The following LRBA variants were observed in gnomAD, a reference collection of about 807,000 sequenced individuals.
The protein encoded by LRBA is lipopolysaccharide-responsive and beige-like anchor protein.
LRBA carries 176 observed loss-of-function variants against 330.0 expected under a neutral mutation model. The observed-to-expected ratio is 0.53, with a 90% confidence interval of 0.47 to 0.60. LRBA has a LOEUF of 0.60. LRBA is among the 20% of genes least tolerant of loss of function. The pLI is 0.00. For missense variants in LRBA, 3,259 were observed against 3,444.8 expected (o/e 0.95, Z 1.35); for synonymous variants, 1,230 against 1,193.0 (o/e 1.03, Z -0.64).
In LRBA at chr4:150,321,102, A is replaced by G; in HGVS notation, c.7630+89T>C. The G allele has an allele frequency of 4.1e-6, 5 of 1,208,562 alleles. No homozygotes were observed. In the South Asian group the frequency reaches 7.5e-5, roughly 18 times the overall value. 74.9% of individuals were successfully genotyped at this position (1,208,562 alleles called of 1,614,324 possible). A position where few individuals can be genotyped will look rare whatever the true frequency, so the allele number is the denominator to read the frequency against. Reference sequence around the variant, plus strand: ...TTCAGACTAATGCTTGAAAATTAAAAGCTTAAATGTTGAGATATGCTATAT... The same window carrying G: ...TTCAGACTAATGCTTGAAAATTAAAGGCTTAAATGTTGAGATATGCTATAT... On this transcript the variant is annotated intron_variant, in intron 50 of 56. Coordinates refer to ENST00000651943, the MANE Select transcript of LRBA (RefSeq NM_001364905.1). The surrounding 1 kb of genome is among the most constrained non-coding windows in gnomAD (Gnocchi z 4.5).
rs567891187 is a variant in LRBA at position 150,351,455 on chromosome 4, T to C, written c.7195-1296A>G. Among the ~76,000 whole-genome samples the C allele has an allele frequency of 2.6e-5, 4 of 152,176 alleles. No individual in the cohort carries two copies. The South Asian group carries it at 6.2e-4, about 24-fold the overall frequency. On this transcript the variant is annotated intron_variant, in intron 47 of 56. Coordinates refer to ENST00000651943, the MANE Select transcript of LRBA (RefSeq NM_001364905.1). ...CTGTAATCCCAGCACTTTGGGAGGCTGAGGTGGGCGGATCACGAGGTCAGG... is the reference window on the plus strand; with the variant it reads ...CTGTAATCCCAGCACTTTGGGAGGCCGAGGTGGGCGGATCACGAGGTCAGG...
intron 47 of LRBA, among the ~76,000 whole-genome samples, chr4:150,359,293 G>C (rs1738326765): frequency 6.6e-6 from 1 of 152,116 alleles, no homozygotes; most frequent in East Asian, 1.9e-4. Flanking sequence ...AGACTCTGGG[G>C]ATACTGAAAT....
Position 150,914,084 on chromosome 4 carries a change from C to G in LRBA, c.1161+111G>C, listed in dbSNP as rs1732301389. On this transcript the variant is annotated intron_variant, in intron 9 of 56. Coordinates refer to ENST00000651943, the MANE Select transcript of LRBA (RefSeq NM_001364905.1). ...CCTGCTGTGGTATCAAATAGTAGGTCTCATTTTTCTTTTTTTTTTTTGTAT... is the reference window on the plus strand; with the variant it reads ...CCTGCTGTGGTATCAAATAGTAGGTGTCATTTTTCTTTTTTTTTTTTGTAT... 25 of 781,656 alleles carry G rather than the reference C, an allele frequency of 3.2e-5. No individual in the cohort carries two copies. The East Asian group carries it at 6.4e-4, about 20-fold the overall frequency. The allele number at this position is 781,656 out of a possible 1,614,324, so 48.4% of individuals were successfully genotyped here.
intron 41 of LRBA, among the ~76,000 whole-genome samples, chr4:150,489,449 T>A (rs1758521317): frequency 2.6e-5 from 1 of 39,190 alleles, no homozygotes; most frequent in East Asian, 7.9e-4. Flanking sequence ...TATAATATAT[T>A]ATATATAAGA....
intron 37 of LRBA, among the ~76,000 whole-genome samples, chr4:150,617,639 T>C: frequency 6.6e-6 from 1 of 151,174 alleles, no homozygotes; most frequent in Non-Finnish European, 1.5e-5. Flanking sequence ...TGAGACTTCG[T>C]CTCAAAAAAA....
chr4:150,424,149 A>G (rs1749220436), intron 46 of LRBA, among the ~76,000 whole-genome samples: 1 of 152,214 alleles, frequency 6.6e-6, no homozygotes, highest in Non-Finnish European at 1.5e-5. Flanking sequence ...ACTAATAGTG[A>G]GGAGAGAGAT....
chr4:150,500,639 T>A (rs755365304), intron 40 of LRBA, among the ~76,000 whole-genome samples: 6 of 152,158 alleles, frequency 3.9e-5, no homozygotes, highest in Non-Finnish European at 8.8e-5. Context: ...AATCTTCAAG[T>A]TAGAGTAATA....
Position 150,518,393 on chromosome 4 carries a change from C to T in LRBA, c.6331-27358G>A, listed in dbSNP as rs150485410. 9.8e-4 allele frequency among the ~76,000 whole-genome samples: 149 copies of T among 152,254 alleles called. 1 individual carries two copies. In the East Asian group the frequency reaches 0.026, roughly 26 times the overall value. On this transcript the variant is annotated intron_variant, in intron 40 of 56. Coordinates refer to ENST00000651943, the MANE Select transcript of LRBA (RefSeq NM_001364905.1). ...GTTTATTTTGGGAATTTTTTATTTA[C>T]AATTTTCAGTCTACGATTCACCACT... is the stretch of plus-strand genomic sequence containing the variant.
At position 150,905,889 on chromosome 4, in the gene LRBA, C is replaced by T. The variant is rs763651221; in HGVS notation, c.1704G>A (p.Leu568=). 4 of 1,613,690 alleles carry T rather than the reference C, an allele frequency of 2.5e-6. No homozygotes were observed. The highest frequency in any genetic ancestry group is 3.3e-5 in the Admixed American group (2 of 59,988). Residue 568 remains leucine, a synonymous_variant, in exon 13 of 57, where the codon TTG becomes TTA. Transcript: ENST00000651943. Reference sequence around the variant, plus strand: ...CAGGATTAAGAAGAACGTGATCACACAATTGCTTGAGCAGGGGCATCCCAT... The same window carrying T: ...CAGGATTAAGAAGAACGTGATCACATAATTGCTTGAGCAGGGGCATCCCAT... ...LQNGMPLLKQ[L]CDHVLLNPAI... is the part of the protein sequence containing the mutation.
chr4:151,001,435 T>G (rs1743312809), intron 2 of LRBA, among the ~76,000 whole-genome samples: 1 of 152,050 alleles, frequency 6.6e-6, no homozygotes, highest in Non-Finnish European at 1.5e-5. Context: ...CAGCCCAGCT[T>G]AACCAGGTCC....
chr4:150,560,662 A>T (rs1768199865), intron 40 of LRBA, among the ~76,000 whole-genome samples: 1 of 152,206 alleles, frequency 6.6e-6, no homozygotes, highest in African/African-American at 2.4e-5. Flanking sequence ...ATATAGGTCC[A>T]TATTTATAAT....
At chr4:150,571,716 T>G (rs923152218) in intron 40 of LRBA, among the ~76,000 whole-genome samples, 1 of 147,526 alleles carries the variant, frequency 6.8e-6, no homozygotes, top group Non-Finnish European at 1.5e-5. Context: ...AGTGATTCAT[T>G]TGGCCAAGCA....
intron 28 of LRBA, among the ~76,000 whole-genome samples, chr4:150,835,966 A>G (rs567688257): frequency 6.6e-6 from 1 of 152,254 alleles, no homozygotes; most frequent in East Asian, 1.9e-4. Context: ...TTATTTTGAG[A>G]TACGTCCCAT....
At chr4:150,591,492 TC>T (rs1772824781) in intron 38 of LRBA, among the ~76,000 whole-genome samples, 1 of 152,100 alleles carries the variant, frequency 6.6e-6, no homozygotes, top group Admixed American at 6.5e-5. Context: ...ACACATACAC[TC>T]ACTCCTCCGC....
chr4:150,759,943 A>C (rs2126459648), intron 35 of LRBA, among the ~76,000 whole-genome samples: 1 of 152,338 alleles, frequency 6.6e-6, no homozygotes, highest in South Asian at 2.1e-4. Flanking sequence ...TGTAACAATA[A>C]CATACATAAA....
chr4:150,431,830 C>A lies in LRBA; in HGVS notation c.7041+3759G>T, dbSNP rs1446990560. Among the ~76,000 whole-genome samples the A allele has an allele frequency of 6.6e-5, 10 of 151,878 alleles. No individual in the cohort carries two copies. The South Asian group carries it at 1.0e-3, about 16-fold the overall frequency. On this transcript the variant is annotated intron_variant, in intron 46 of 56. Coordinates refer to ENST00000651943, the MANE Select transcript of LRBA (RefSeq NM_001364905.1). The stretch of plus-strand genomic sequence containing the variant: ...AAAAACCATCATTGAGAGGTCAGAT[C>A]TGAAATGGAATCACCAATGATGCAG...
chr4:150,623,514 C>G (rs915278454), intron 37 of LRBA, among the ~76,000 whole-genome samples: 8 of 151,934 alleles, frequency 5.3e-5, no homozygotes, highest in African/African-American at 1.7e-4. Context: ...AAGTTAGTAG[C>G]TAATATACTA....
chr4:150,415,726 A>G (rs1747645712), intron 46 of LRBA, 136 bp from the exon 47 acceptor site: 2 of 578,776 alleles, frequency 3.5e-6, no homozygotes, highest in East Asian at 5.7e-5. Flanking sequence ...TTTGCATATC[A>G]TAGCCCTGTC....
chr4:151,006,625 G>A (rs1384407872), intron 2 of LRBA, among the ~76,000 whole-genome samples: 1 of 151,954 alleles, frequency 6.6e-6, no homozygotes, highest in Non-Finnish European at 1.5e-5. Context: ...GAATATAATA[G>A]ATTAGTTCAA....
Sources: gnomAD v4.1 joint callset for allele counts (sites outside exome capture counted in the v4.1 genomes callset) on GRCh38, gnomAD v4.1.1 for gene constraint, Gnocchi (gnomAD v3.1) non-coding constraint, MANE v1.5 for transcripts, NCBI Gene and HGNC (gene_info 2026-07-23, HGNC 2026-07-21) for gene names.